The following SPTLC3 variants were observed in gnomAD, a reference collection of about 807,000 sequenced individuals.
The protein encoded by SPTLC3 is serine palmitoyltransferase 3.
SPTLC3 carries 36 observed loss-of-function variants against 59.3 expected under a neutral mutation model. The ratio of observed to expected loss-of-function variants is 0.61; its 90% confidence interval spans 0.47 to 0.80. SPTLC3 has a LOEUF of 0.80. Ranked by LOEUF, SPTLC3 falls within the 30% of genes least tolerant of loss-of-function variation. SPTLC3 has a pLI of 0.00. For synonymous variants in SPTLC3, 257 were observed against 240.8 expected (o/e 1.07, Z -0.62); for missense variants, 625 against 685.1 (o/e 0.91, Z 0.98).
At chr20:13,102,720 G>A (rs1051812230) in intron 6 of SPTLC3, among the ~76,000 whole-genome samples, 9 of 152,142 alleles carry the variant, frequency 5.9e-5, no homozygotes, top group African/African-American at 1.9e-4. Context: ...TCACCTTGGT[G>A]CATTGAGCCC....
In SPTLC3 at chr20:13,117,574, A is replaced by T. The variant is rs768204314; in HGVS notation, c.1001A>T (p.Tyr334Phe). The change falls in exon 8 of 12, where the codon TAC becomes TTC. Residue 334 changes from tyrosine to phenylalanine, a missense_variant. Coordinates refer to ENST00000399002, the MANE Select transcript of SPTLC3 (RefSeq NM_018327.4). ...ALKKKYKAYLYIDEAHSIGAV... is the reference protein window; with the variant it reads ...ALKKKYKAYLFIDEAHSIGAV... The stretch of plus-strand genomic sequence containing the variant: ...AAGAAGAAATACAAGGCTTACCTCT[A>T]CATAGATGAAGCTCACAGTATTGGG... 3.1e-6 allele frequency: 5 copies of T among 1,613,948 alleles called. No homozygotes were observed. Among genetic ancestry groups the T allele is most frequent in the Non-Finnish European group, 4.2e-6 (5 of 1,179,892 alleles).
Position 13,117,514 on chromosome 20 carries a change from G to C in SPTLC3, c.941G>C (p.Gly314Ala). The C allele has an allele frequency of 1.9e-6, 3 of 1,592,420 alleles. No individual in the cohort carries two copies. Among genetic ancestry groups the C allele is most frequent in the Non-Finnish European group, 2.6e-6 (3 of 1,169,628 alleles). ...TTCTCCTTCTGCCCTAGCATGGAAG[G>C]TTCCATCGTGCATCTGCCCCAGATC... ...ILVEGVYSME[G>A]SIVHLPQIIA... The change falls in exon 8 of 12, where the codon GGT becomes GCT. Residue 314 changes from glycine (G) to alanine (A), a missense_variant. By Grantham distance (60) the Gly-to-Ala change is moderately conservative. Transcript: ENST00000399002.
intron 4 of SPTLC3, among the ~76,000 whole-genome samples, chr20:13,077,156 G>T (rs149862728): frequency 6.6e-6 from 1 of 151,956 alleles, no homozygotes; most frequent in African/African-American, 2.4e-5. Context: ...GAGACAATAA[G>T]GTGTCTCCCA....
At chr20:13,117,783 G>T in intron 8 of SPTLC3, 58 bp downstream of exon 8, 1 of 1,450,824 alleles carries the variant, frequency 6.9e-7, no homozygotes, top group Non-Finnish European at 9.4e-7. Context: ...GATGCCGTGT[G>T]TAGGGCTTCT....
intron 2 of SPTLC3, among the ~76,000 whole-genome samples, chr20:13,054,465 G>A (rs893798079): frequency 2.6e-5 from 4 of 152,164 alleles, no homozygotes; most frequent in Non-Finnish European, 5.9e-5. Context: ...AAAAAATCTA[G>A]GTGAGATGGT....
rs114360912 is a variant in SPTLC3 at position 13,140,184 on chromosome 20, T to C, written c.1279+13467T>C. 5.4e-3 allele frequency among the ~76,000 whole-genome samples: 826 copies of C among 152,302 alleles called. 6 individuals are homozygous for C. Among genetic ancestry groups the C allele is most frequent in the African/African-American group, 0.015 (606 of 41,558 alleles). On this transcript the variant is annotated intron_variant, in intron 9 of 11. Coordinates refer to ENST00000399002, the MANE Select transcript of SPTLC3 (RefSeq NM_018327.4). ...AGTAGCATACAGACATTAAGGACTT[T>C]TTTTCTTTGAAGAGGGGATGTGATG...
At chr20:13,086,116 T>TA (rs974315869) in intron 4 of SPTLC3, among the ~76,000 whole-genome samples, 2 of 152,300 alleles carry the variant, frequency 1.3e-5, no homozygotes, top group Admixed American at 6.5e-5. Flanking sequence ...TCTTAGGAGT[T>TA]AAAAAATGCC....
At chr20:13,082,415 C>T (rs8125180) in intron 4 of SPTLC3, among the ~76,000 whole-genome samples, 41,821 of 152,026 alleles carry the variant, frequency 0.28, 5,918 homozygotes, top group Middle Eastern at 0.35. Context: ...TAAACCAATA[C>T]AGCTGCCCCC....
intron 7 of SPTLC3, among the ~76,000 whole-genome samples, chr20:13,114,864 G>T (rs1990446035): frequency 6.6e-6 from 1 of 152,136 alleles, no homozygotes. Flanking sequence ...TATGTGGAGG[G>T]AAAAGTGGTG....
intron 1 of SPTLC3, among the ~76,000 whole-genome samples, chr20:13,048,736 A>G (rs1987338593): frequency 6.6e-6 from 1 of 152,226 alleles, no homozygotes; most frequent in Non-Finnish European, 1.5e-5. Context: ...GTTTCTGTTG[A>G]GAACTTTTGC....
intron 7 of SPTLC3, among the ~76,000 whole-genome samples, chr20:13,112,652 C>G (rs1311867458): frequency 6.6e-6 from 1 of 152,184 alleles, no homozygotes; most frequent in Non-Finnish European, 1.5e-5. Context: ...TTTTCCTTCA[C>G]AAGAAAGTTC....
chr20:13,100,798 C>T (rs1290042738), intron 6 of SPTLC3, among the ~76,000 whole-genome samples: 1 of 152,106 alleles, frequency 6.6e-6, no homozygotes, highest in African/African-American at 2.4e-5. Flanking sequence ...AAAACTAATC[C>T]TCAAAGTGAT....
chr20:13,164,825 T>C lies in SPTLC3; in HGVS notation c.1617T>C (p.Arg539=), dbSNP rs765364166. The change falls in exon 12 of 12, where the codon CGT becomes CGC. Residue 539 remains arginine (R), a synonymous_variant. Coordinates refer to ENST00000399002, the MANE Select transcript of SPTLC3 (RefSeq NM_018327.4). ...ATTCCCGGCACAAGAAGTCAGCACG[T>C]CCTGAGCTCTATGATGAGACGAGCT... ...LKYSRHKKSA[R]PELYDETSFE... The C allele has an allele frequency of 8.1e-6, 13 of 1,613,678 alleles. No homozygotes were observed. In the East Asian group the frequency reaches 2.9e-4, roughly 36 times the overall value.
intron 1 of SPTLC3, among the ~76,000 whole-genome samples, chr20:13,043,217 G>T (rs1987069746): frequency 6.6e-6 from 1 of 152,112 alleles, no homozygotes; most frequent in African/African-American, 2.4e-5. Flanking sequence ...AAAGGAACAT[G>T]GCCCTCTCGT....
chr20:13,028,276 G>A (rs1986256839), intron 1 of SPTLC3, among the ~76,000 whole-genome samples: 2 of 152,132 alleles, frequency 1.3e-5, no homozygotes, highest in Non-Finnish European at 2.9e-5. Context: ...TTCTCAACAG[G>A]ACCAGAAGTT....
chr20:13,021,620 C>T (rs920249159), intron 1 of SPTLC3, among the ~76,000 whole-genome samples: 10 of 148,062 alleles, frequency 6.8e-5, no homozygotes, highest in East Asian at 2.1e-4. Context: ...CATCCCTGCA[C>T]GTCTCAAGTT....
At chr20:13,011,495 G>A (rs922393210) in intron 1 of SPTLC3, among the ~76,000 whole-genome samples, 2 of 152,092 alleles carry the variant, frequency 1.3e-5, no homozygotes, top group African/African-American at 2.4e-5. Flanking sequence ...TACATTAGGG[G>A]ACCCTACAAG....
At chr20:13,047,874 T>C (rs6041803) in intron 1 of SPTLC3, among the ~76,000 whole-genome samples, 151,645 of 152,298 alleles carry the variant, frequency 1, 75,501 homozygotes, top group Middle Eastern at 1. Context: ...GCTTTATGTT[T>C]TTATGCAATT....
chr20:13,098,632 T>G (rs1268812727), intron 6 of SPTLC3, among the ~76,000 whole-genome samples: 1 of 152,188 alleles, frequency 6.6e-6, no homozygotes, highest in Admixed American at 6.5e-5. Flanking sequence ...AAATAGATAA[T>G]AGTTACTATC....
Sources: gnomAD v4.1 joint callset for allele counts (sites outside exome capture counted in the v4.1 genomes callset) on GRCh38, gnomAD v4.1.1 for gene constraint, MANE v1.5 for transcripts, NCBI Gene and HGNC (gene_info 2026-07-23, HGNC 2026-07-21) for gene names.